Variants in DYSF observed in about 807,000 individuals in gnomAD.
The protein encoded by DYSF is dystrophy-associated fer-1-like 1.
In DYSF, 212 loss-of-function variants were observed where a neutral mutation model predicts 274.9. The ratio of observed to expected loss-of-function variants is 0.77; its 90% CI spans 0.69 to 0.86. DYSF has a LOEUF of 0.86. DYSF is among the 40% of genes least tolerant of loss of function. The pLI is 0.00. For synonymous variants in DYSF, 1,091 were observed against 1,078.7 expected (o/e 1.01, Z -0.22); for missense variants, 2,666 against 2,783.2 (o/e 0.96, Z 0.95).
intron 47 of DYSF, among the ~76,000 whole-genome samples, 169 bp from the exon 48 acceptor site, chr2:71,667,207 A>G (rs1332531125): frequency 2.0e-5 from 3 of 152,214 alleles, no homozygotes; most frequent in Non-Finnish European, 4.4e-5. Context: ...TCCCCTATCA[A>G]AAGTGAGACA....
At chr2:71,545,290 T>C (rs1215439933) in intron 17 of DYSF, among the ~76,000 whole-genome samples, 1 of 152,184 alleles carries the variant, frequency 6.6e-6, no homozygotes, top group African/African-American at 2.4e-5. Context: ...CACGCAAAGG[T>C]AGAGAATTGT....
At chr2:71,683,565 G>A (rs2095321181) in intron 55 of DYSF, among the ~76,000 whole-genome samples, 1 of 152,266 alleles carries the variant, frequency 6.6e-6, no homozygotes, top group South Asian at 2.1e-4. Flanking sequence ...AAAGTGGAGA[G>A]AATGGTGTAA....
At chr2:71,601,338 G>T in intron 34 of DYSF, 161 bp from the exon 35 acceptor site, 3 of 918,322 alleles carry the variant, frequency 3.3e-6, no homozygotes, top group Non-Finnish European at 5.3e-6. Flanking sequence ...AGTGTCTGGA[G>T]GAATGGGCAC....
chr2:71,599,641 G>A (rs1013570466), intron 33 of DYSF, among the ~76,000 whole-genome samples: 1 of 152,232 alleles, frequency 6.6e-6, no homozygotes, highest in Non-Finnish European at 1.5e-5. Flanking sequence ...TTTCCGAAGA[G>A]GAGGCTGGAT....
chr2:71,520,695 A>G, intron 11 of DYSF, 94 bp from the exon 12 acceptor site: 2 of 1,047,752 alleles, frequency 1.9e-6, no homozygotes, highest in Non-Finnish European at 1.5e-6. Flanking sequence ...TGAGTCCTTT[A>G]CCTCCCCTGT....
chr2:71,578,163 GC>G (rs2092774601), intron 30 of DYSF, among the ~76,000 whole-genome samples: 1 of 152,162 alleles, frequency 6.6e-6, no homozygotes, highest in Non-Finnish European at 1.5e-5. Flanking sequence ...GGTCTGGTGG[GC>G]CCCGAGAATC....
chr2:71,658,677 G>T (rs1008116553), intron 43 of DYSF, among the ~76,000 whole-genome samples: 10 of 152,194 alleles, frequency 6.6e-5, no homozygotes, highest in Non-Finnish European at 1.2e-4. Context: ...AAACCCAACA[G>T]ATCTCATGAT....
intron 29 of DYSF, among the ~76,000 whole-genome samples, chr2:71,571,287 C>T (rs1442177968): frequency 6.6e-6 from 1 of 151,136 alleles, no homozygotes; most frequent in Non-Finnish European, 1.5e-5. Context: ...CCACAGTTCA[C>T]ACCTAGCACA....
chr2:71,555,873 T>A, intron 21 of DYSF, 92 bp from the exon 22 acceptor site: 1 of 997,786 alleles, frequency 1.0e-6, no homozygotes. Flanking sequence ...TCCTTTTTGG[T>A]TCAGTAGCAG....
At chr2:71,516,307 C>A (rs1287335993) in intron 9 of DYSF, 65 bp downstream of exon 9, 4 of 1,494,976 alleles carry the variant, frequency 2.7e-6, no homozygotes, top group Non-Finnish European at 2.8e-6. Flanking sequence ...TCAGTGCACA[C>A]GCGTGTGTGT....
chr2:71,486,282 C>T (rs1264632784), intron 3 of DYSF, among the ~76,000 whole-genome samples: 2 of 152,068 alleles, frequency 1.3e-5, no homozygotes, highest in Non-Finnish European at 2.9e-5. Context: ...CCTTGCCTCC[C>T]CTCCCTCTTC....
chr2:71,659,045 A>G lies in DYSF; in HGVS notation c.4911+12A>G, dbSNP rs770162437. ...ACCCCAATGGAAAGGTAACTTTCCT[A>G]GAGCCCTCACCTCCCCCAGAGTAGC... On this transcript the variant is annotated intron_variant, in intron 44 of 55. Coordinates refer to ENST00000410020, the MANE Select transcript of DYSF (RefSeq NM_001130987.2). The G allele has an allele frequency of 3.1e-6, 5 of 1,614,000 alleles. No individual in the cohort carries two copies. The highest frequency in any genetic ancestry group is 3.3e-5 in the Admixed American group (2 of 59,998).
At chr2:71,545,633 C>G (rs1288275072) in intron 17 of DYSF, among the ~76,000 whole-genome samples, 2 of 152,220 alleles carry the variant, frequency 1.3e-5, no homozygotes, top group Admixed American at 6.5e-5. Flanking sequence ...TTCTGACTGG[C>G]ACTGTCTCTC....
At chr2:71,481,829 C>T (rs2152682571) in intron 2 of DYSF, 50 bp from the exon 3 acceptor site, 1 of 1,504,556 alleles carries the variant, frequency 6.6e-7, no homozygotes, top group East Asian at 2.3e-5. Context: ...GACACAGTCT[C>T]TTCTCCTAGA....
At position 71,528,350 on chromosome 2, in the gene DYSF, CAAG is replaced by C. The variant is rs1553531818; in HGVS notation, c.1335_1337del (p.Lys445del). ...AACAGATCTTTGGCTTCGAGAGTAA[CAAG>C]AAGAACTTGGTGGACCCCTTTGTGG... On this transcript the variant is annotated inframe_deletion, in exon 14 of 56. Coordinates refer to ENST00000410020, the MANE Select transcript of DYSF (RefSeq NM_001130987.2). The C allele has an allele frequency of 1.2e-6, 2 of 1,614,188 alleles. No homozygotes were observed. The highest frequency in any genetic ancestry group is 1.7e-6 in the Non-Finnish European group (2 of 1,180,040).
At chr2:71,453,890 C>T in exon 1 of DYSF, 1 of 1,137,716 alleles carries the variant, frequency 8.8e-7, no homozygotes. Context: ...GCCGGCCTCG[C>T]CCAGCCAGCC....
chr2:71,656,065 T>C, intron 42 of DYSF, 97 bp from the exon 43 acceptor site: 2 of 1,450,468 alleles, frequency 1.4e-6, no homozygotes, highest in Non-Finnish European at 1.9e-6. Context: ...ACTCTCACAC[T>C]GTCATGTTTC....
intron 42 of DYSF, among the ~76,000 whole-genome samples, chr2:71,649,186 C>CAAAA (rs2094614945): frequency 6.7e-6 from 1 of 148,246 alleles, no homozygotes; most frequent in African/African-American, 2.5e-5. Flanking sequence ...TTACCTTAGA[C>CAAAA]TCAAAATGAA....
chr2:71,646,538 A>C (rs2152927176), intron 42 of DYSF, among the ~76,000 whole-genome samples: 1 of 152,352 alleles, frequency 6.6e-6, no homozygotes, highest in East Asian at 1.9e-4. Context: ...GGGTCTTTGA[A>C]AAATAGCCTG....
Sources: allele counts gnomAD v4.1 joint callset (sites outside exome capture counted in the v4.1 genomes callset), GRCh38; gene constraint gnomAD v4.1.1; transcripts MANE v1.5; gene names NCBI Gene and HGNC (gene_info 2026-07-23, HGNC 2026-07-21).